Variants in JAM3 observed in about 807,000 individuals in gnomAD.
JAM3 encodes the protein junctional adhesion molecule 3, also known as junctional adhesion molecule C.
In JAM3, 31 loss-of-function variants were observed where a neutral mutation model predicts 39.4. That is an observed-to-expected ratio of 0.79 (90% CI 0.59 to 1.06). JAM3 has a LOEUF of 1.06. Among genes scored for constraint, JAM3 ranks in the 50% least tolerant of loss-of-function variants. The probability of loss-of-function intolerance (pLI) is 0.00; values close to 1 mark genes in which losing one functional copy is unlikely to be tolerated. For missense variants in JAM3, 455 were observed against 391.4 expected, an observed-to-expected ratio of 1.16 and a Z score of -1.37; for synonymous variants, 182 against 148.7, an observed-to-expected ratio of 1.22 and a Z score of -1.63.
intron 1 of JAM3, among the ~76,000 whole-genome samples, chr11:134,134,662 C>A (rs1306629637): frequency 6.6e-6 from 1 of 152,126 alleles, no homozygotes; most frequent in Non-Finnish European, 1.5e-5. Context: ...CACACCCTCA[C>A]CAACTCTTAT....
At chr11:134,073,051 C>T (rs1033576902) in intron 1 of JAM3, among the ~76,000 whole-genome samples, 4 of 152,246 alleles carry the variant, frequency 2.6e-5, no homozygotes, top group African/African-American at 7.2e-5. Context: ...AAAGCGATCC[C>T]GAAAGAAAGT....
intron 3 of JAM3, among the ~76,000 whole-genome samples, chr11:134,142,618 TG>T (rs756455806): frequency 6.6e-6 from 1 of 152,220 alleles, no homozygotes; most frequent in Non-Finnish European, 1.5e-5. Context: ...ATGTTTAAAA[TG>T]TTTTTTTATG....
chr11:134,149,502 C>A lies in JAM3; in HGVS notation c.*321C>A. On this transcript the variant is annotated 3_prime_UTR_variant, in exon 9 of 9. Coordinates refer to ENST00000299106, the MANE Select transcript of JAM3 (RefSeq NM_032801.5). ...ATCTTAAAGAGTTTGCTCACGTAAA[C>A]GCCCGTGCTGGGCCCTGTGAAGCCA... 1 of 506,786 alleles carries A rather than the reference C, an allele frequency of 2.0e-6. No homozygotes were observed. The highest frequency in any genetic ancestry group is 2.6e-5 in the Admixed American group (1 of 37,864). The allele number at this position is 506,786 out of a possible 1,614,324, so 31.4% of individuals were successfully genotyped here.
chr11:134,104,687 T>C (rs1268917853), intron 1 of JAM3, among the ~76,000 whole-genome samples: 1 of 152,100 alleles, frequency 6.6e-6, no homozygotes, highest in African/African-American at 2.4e-5. Context: ...CCACCGATCC[T>C]ACAGAAATAC....
chr11:134,146,786 A>G (rs1170750204), intron 6 of JAM3, among the ~76,000 whole-genome samples: 1 of 152,136 alleles, frequency 6.6e-6, no homozygotes, highest in Non-Finnish European at 1.5e-5. Context: ...GCTGGTCTCA[A>G]ACTCCTGGCC....
chr11:134,135,632 G>A (rs963202753), intron 1 of JAM3, among the ~76,000 whole-genome samples: 2 of 151,518 alleles, frequency 1.3e-5, no homozygotes, highest in Non-Finnish European at 1.5e-5. Context: ...CCACCTCCTG[G>A]GTTCAAGTGA....
chr11:134,129,892 C>T (rs1942734550), intron 1 of JAM3, among the ~76,000 whole-genome samples: 2 of 152,108 alleles, frequency 1.3e-5, no homozygotes, highest in African/African-American at 4.8e-5. Flanking sequence ...GTCCCAGCTA[C>T]TCGGGAGGCT....
intron 1 of JAM3, among the ~76,000 whole-genome samples, chr11:134,104,133 A>T (rs1942133813): frequency 6.6e-6 from 1 of 152,236 alleles, no homozygotes; most frequent in South Asian, 2.1e-4. Flanking sequence ...GCAAATGTAA[A>T]ATAACAGAAA....
chr11:134,105,576 A>C (rs1942168174), intron 1 of JAM3, among the ~76,000 whole-genome samples: 1 of 152,206 alleles, frequency 6.6e-6, no homozygotes, highest in Non-Finnish European at 1.5e-5. Context: ...CTGTTTGTAG[A>C]TGACATGATT....
intron 1 of JAM3, among the ~76,000 whole-genome samples, chr11:134,092,984 C>T (rs1387198741): frequency 5.4e-5 from 8 of 148,754 alleles, no homozygotes; most frequent in African/African-American, 2.0e-4. Context: ...CCTCAGCCCT[C>T]CTTATTCATC....
intron 1 of JAM3, among the ~76,000 whole-genome samples, chr11:134,083,587 G>A (rs549015520): frequency 8.5e-5 from 13 of 152,152 alleles, no homozygotes; most frequent in Admixed American, 5.9e-4. Context: ...TTTCCTACAT[G>A]CAGAGTAAGT....
chr11:134,143,390 T>A (rs1943010024), intron 3 of JAM3, among the ~76,000 whole-genome samples: 1 of 152,364 alleles, frequency 6.6e-6, no homozygotes, highest in Admixed American at 6.5e-5. Flanking sequence ...TCAAATTTTA[T>A]GTCCATTTAA....
At chr11:134,085,219 A>G (rs1941728564) in intron 1 of JAM3, among the ~76,000 whole-genome samples, 1 of 152,226 alleles carries the variant, frequency 6.6e-6, no homozygotes, top group Non-Finnish European at 1.5e-5. Context: ...AAAACTTGAA[A>G]TGCCCCCAGA....
chr11:134,132,245 C>A (rs1942783335), intron 1 of JAM3, among the ~76,000 whole-genome samples: 1 of 152,148 alleles, frequency 6.6e-6, no homozygotes, highest in African/African-American at 2.4e-5. Context: ...TACCAGAAAC[C>A]TTGGAGGCCA....
rs1403613145 is a variant in JAM3 at position 134,093,558 on chromosome 11, G to C, written c.76+24399G>C. On this transcript the variant is annotated intron_variant, in intron 1 of 8. Transcript: ENST00000299106. ...TTATTCATCATGTTCCACCTTACAT[G>C]TCACTTCCTGAGGGAAGCGTGTCCT... Among the ~76,000 whole-genome samples, 6 of 127,296 alleles carry C rather than the reference G, an allele frequency of 4.7e-5. 1 individual carries two copies. The highest frequency in any genetic ancestry group is 9.8e-5 in the Non-Finnish European group (6 of 61,248). 83.5% of individuals were successfully genotyped at this position (127,296 alleles called of 152,430 possible).
intron 1 of JAM3, among the ~76,000 whole-genome samples, chr11:134,105,088 G>C (rs374084326): frequency 1.3e-5 from 2 of 152,060 alleles, no homozygotes; most frequent in African/African-American, 4.8e-5. Flanking sequence ...GATCAACATC[G>C]ATGCAAAAAT....
chr11:134,148,909 T>A, intron 8 of JAM3, 91 bp downstream of exon 8: 1 of 1,334,152 alleles, frequency 7.5e-7, no homozygotes. Context: ...CTGGGAAGAT[T>A]TCTGAGTGAT....
intron 1 of JAM3, chr11:134,124,095 A>G: frequency 6.7e-7 from 1 of 1,489,494 alleles, no homozygotes; most frequent in South Asian, 1.1e-5. Flanking sequence ...CCAATCATCT[A>G]CTATCTGATT....
At chr11:134,136,737 C>G (rs959465555) in intron 1 of JAM3, among the ~76,000 whole-genome samples, 15 of 151,528 alleles carry the variant, frequency 9.9e-5, no homozygotes, top group African/African-American at 3.7e-4. Flanking sequence ...ATGTGTAGTT[C>G]ATGAAAAATA....
Sources: gnomAD v4.1 joint callset for allele counts (sites outside exome capture counted in the v4.1 genomes callset) on GRCh38, gnomAD v4.1.1 for gene constraint, MANE v1.5 for transcripts, NCBI Gene and HGNC (gene_info 2026-07-23, HGNC 2026-07-21) for gene names.